Variants in GTF2A1L observed in about 807,000 individuals in gnomAD.
GTF2A1L encodes the protein general transcription factor IIA subunit 1 like.
GTF2A1L carries 48 observed loss-of-function variants against 49.7 expected under a neutral mutation model. The ratio of observed to expected loss-of-function variants is 0.97; its 90% CI spans 0.77 to 1.23. The LOEUF is 1.23. Among genes scored for constraint, GTF2A1L ranks in the 50% most tolerant of loss-of-function variants. The pLI is 0.00. For missense variants in GTF2A1L, 736 were observed against 564.8 expected, an observed-to-expected ratio of 1.30 and a Z score of -3.07; for synonymous variants, 246 against 193.5, an observed-to-expected ratio of 1.27 and a Z score of -2.25.
At chr2:48,653,710 A>G (rs1305876566) in intron 6 of GTF2A1L, among the ~76,000 whole-genome samples, 1 of 152,094 alleles carries the variant, frequency 6.6e-6, no homozygotes, top group African/African-American at 2.4e-5. Context: ...AGGCGGTTGG[A>G]TCACTTGAGG....
intron 8 of GTF2A1L, among the ~76,000 whole-genome samples, chr2:48,676,201 G>A (rs967092042): frequency 1.4e-4 from 22 of 151,784 alleles, no homozygotes; most frequent in African/African-American, 5.3e-4. Flanking sequence ...TCTTTGTGAT[G>A]ATATTTTAAT....
intron 8 of GTF2A1L, 97 bp downstream of exon 8, chr2:48,671,777 A>T: frequency 8.5e-7 from 1 of 1,183,238 alleles, no homozygotes; most frequent in Non-Finnish European, 1.2e-6. Flanking sequence ...GTTACACTTC[A>T]CAATTAATCA....
chr2:48,662,965 T>C (rs1008940880), intron 6 of GTF2A1L, among the ~76,000 whole-genome samples: 2 of 152,040 alleles, frequency 1.3e-5, no homozygotes, highest in East Asian at 1.9e-4. Context: ...CTGAGTACTA[T>C]GCTTATTACC....
intron 6 of GTF2A1L, among the ~76,000 whole-genome samples, chr2:48,659,662 T>G (rs1167401497): frequency 6.6e-6 from 1 of 152,118 alleles, no homozygotes; most frequent in African/African-American, 2.4e-5. Context: ...TTTTGTTGTT[T>G]TCAGCATATA....
chr2:48,678,829 T>C (rs1390245227), intron 8 of GTF2A1L, among the ~76,000 whole-genome samples: 4 of 152,036 alleles, frequency 2.6e-5, no homozygotes, highest in Non-Finnish European at 4.4e-5. Flanking sequence ...TACTGGACTC[T>C]GTGCTGTTCT....
chr2:48,666,833 G>C (rs1225536188), intron 6 of GTF2A1L, among the ~76,000 whole-genome samples: 1 of 151,692 alleles, frequency 6.6e-6, no homozygotes, highest in African/African-American at 2.4e-5. Context: ...TTCTTTATTT[G>C]TTCATGGATT....
chr2:48,643,816 C>T (rs1041647470), intron 4 of GTF2A1L, among the ~76,000 whole-genome samples: 5 of 148,888 alleles, frequency 3.4e-5, no homozygotes, highest in Non-Finnish European at 5.9e-5. Context: ...TCTTCTGCTT[C>T]AGCCTCCCGA....
chr2:48,677,339 G>C (rs981524526), intron 8 of GTF2A1L, among the ~76,000 whole-genome samples: 2 of 151,838 alleles, frequency 1.3e-5, no homozygotes, highest in African/African-American at 4.8e-5. Flanking sequence ...AGTGTCTAGG[G>C]GGGCCTTATT....
intron 6 of GTF2A1L, among the ~76,000 whole-genome samples, chr2:48,653,443 G>C (rs193286682): frequency 6.6e-6 from 1 of 152,154 alleles, no homozygotes; most frequent in African/African-American, 2.4e-5. Flanking sequence ...AGTTCCTGGC[G>C]GTCACTCACT....
At chr2:48,636,050 T>G (rs777369134) in intron 3 of GTF2A1L, among the ~76,000 whole-genome samples, 1 of 152,238 alleles carries the variant, frequency 6.6e-6, no homozygotes, top group African/African-American at 2.4e-5. Flanking sequence ...AGTGGCTGTT[T>G]GGCAGGATTC....
chr2:48,673,241 G>C (rs1003514959), intron 8 of GTF2A1L, among the ~76,000 whole-genome samples: 1 of 151,666 alleles, frequency 6.6e-6, no homozygotes, highest in African/African-American at 2.4e-5. Context: ...GGAGAAAAAA[G>C]TAATACCTTT....
intron 6 of GTF2A1L, among the ~76,000 whole-genome samples, chr2:48,647,534 G>A (rs1677594095): frequency 6.6e-6 from 1 of 151,900 alleles, no homozygotes; most frequent in East Asian, 1.9e-4. Context: ...TTTGTGGAAT[G>A]TTTTGAGATA....
chr2:48,665,636 C>G (rs1678799733), intron 6 of GTF2A1L, among the ~76,000 whole-genome samples: 1 of 151,974 alleles, frequency 6.6e-6, no homozygotes, highest in East Asian at 1.9e-4. Flanking sequence ...TTCCAGATAT[C>G]TTTCTGTTAC....
intron 6 of GTF2A1L, 153 bp downstream of exon 6, chr2:48,647,195 A>G: frequency 1.4e-6 from 1 of 712,540 alleles, no homozygotes; most frequent in Non-Finnish European, 2.1e-6. Flanking sequence ...GTGATTTAAA[A>G]AAATTTTTAA....
At chr2:48,665,157 A>ACTC (rs1438949828) in intron 6 of GTF2A1L, among the ~76,000 whole-genome samples, 1 of 152,022 alleles carries the variant, frequency 6.6e-6, no homozygotes, top group Non-Finnish European at 1.5e-5. Context: ...CTTGGCCTCA[A>ACTC]GTGATCCGCC....
chr2:48,645,180 C>A, intron 5 of GTF2A1L, 63 bp downstream of exon 5: 3 of 1,442,360 alleles, frequency 2.1e-6, no homozygotes, highest in Non-Finnish European at 1.9e-6. Context: ...GGACATTAAG[C>A]TTCATGATTT....
At chr2:48,634,783 T>G (rs1488207686) in intron 3 of GTF2A1L, among the ~76,000 whole-genome samples, 1 of 152,240 alleles carries the variant, frequency 6.6e-6, no homozygotes, top group African/African-American at 2.4e-5. Context: ...CTAAAGGGTT[T>G]CCTTTTGTAC....
chr2:48,664,336 G>A (rs1678693948), intron 6 of GTF2A1L, among the ~76,000 whole-genome samples: 1 of 150,224 alleles, frequency 6.7e-6, no homozygotes, highest in Admixed American at 6.6e-5. Context: ...TTTAAATCAT[G>A]AGTTGATGTT....
At chr2:48,630,869 A>G (rs909848742) in intron 3 of GTF2A1L, among the ~76,000 whole-genome samples, 1 of 152,182 alleles carries the variant, frequency 6.6e-6, no homozygotes, top group African/African-American at 2.4e-5. Context: ...TATTGAGATG[A>G]TCACAGGTTT....
Sources: allele counts gnomAD v4.1 joint callset (sites outside exome capture counted in the v4.1 genomes callset), GRCh38; gene constraint gnomAD v4.1.1; transcripts MANE v1.5; gene names NCBI Gene and HGNC (gene_info 2026-07-23, HGNC 2026-07-21).